The following FAAH2 variants were observed in gnomAD, a reference collection of about 807,000 sequenced individuals.
FAAH2 encodes fatty acid amide hydrolase 2.
FAAH2 carries 60 observed loss-of-function variants against 36.9 expected under a neutral mutation model. The ratio of observed to expected loss-of-function variants is 1.63; its 90% CI spans 1.32 to 2.02. The LOEUF (loss-of-function observed/expected upper bound fraction) is 2.02. Among genes scored for constraint, FAAH2 ranks in the 30% most tolerant of loss-of-function variants. The probability of loss-of-function intolerance (pLI) is 0.00; values close to 1 mark genes in which losing one functional copy is unlikely to be tolerated. For synonymous variants in FAAH2, 214 were observed against 143.8 expected (o/e 1.49, Z -3.49); for missense variants, 689 against 397.5 (o/e 1.73, Z -6.23).
chrX:57,463,787 GC>G (rs1485870875), intron 10 of FAAH2, among the ~76,000 whole-genome samples: 1 of 111,751 alleles, frequency 8.9e-6, no homozygotes, highest in Non-Finnish European at 1.9e-5. Context: ...AAATAGGAAT[GC>G]TTTTACACTG....
At chrX:57,459,244 G>A (rs1457733700) in intron 10 of FAAH2, among the ~76,000 whole-genome samples, 1 of 112,102 alleles carries the variant, frequency 8.9e-6, no homozygotes, top group Non-Finnish European at 1.9e-5. Context: ...AACACAGCAT[G>A]GCAAAAGCAG....
intron 7 of FAAH2, among the ~76,000 whole-genome samples, chrX:57,383,702 T>A (rs1184363494): frequency 8.9e-6 from 1 of 112,043 alleles, no homozygotes; most frequent in Non-Finnish European, 1.9e-5. Context: ...GAACATTCCA[T>A]GCTCATGGAT....
At chrX:57,162,093 A>G in the FAAH2 span, among the ~76,000 whole-genome samples, 1 of 111,179 alleles carries the variant, frequency 9.0e-6, no homozygotes, top group Non-Finnish European at 1.9e-5. Flanking sequence ...TTGTCTGTAA[A>G]ATATTTTATT....
intron 10 of FAAH2, among the ~76,000 whole-genome samples, chrX:57,487,189 G>A (rs967169508): frequency 1.8e-5 from 2 of 110,261 alleles, no homozygotes; most frequent in African/African-American, 6.6e-5. Context: ...ATTTTTATAA[G>A]GAAACATGAG....
Position 57,488,956 on chromosome X carries a change from T to C in FAAH2, c.*24T>C, listed in dbSNP as rs371021850. The C allele has an allele frequency of 3.6e-5, 43 of 1,184,313 alleles. No individual in the cohort carries two copies. The African/African-American group carries it at 7.5e-4, about 21-fold the overall frequency. On this transcript the variant is annotated 3_prime_UTR_variant, in exon 11 of 11. Transcript: ENST00000374900. The stretch of plus-strand genomic sequence containing the variant: ...AGGAGGACCTTCTGCAAGGTTAATG[T>C]GTGTGTGTGTTTGTGTTCGTGTGGT...
chrX:57,281,842 A>T (rs1428983949), upstream of FAAH2, among the ~76,000 whole-genome samples: 1 of 111,299 alleles, frequency 9.0e-6, no homozygotes, highest in African/African-American at 3.3e-5. Context: ...TTCCTGTGAT[A>T]GTTTTCTTAG....
intron 10 of FAAH2, among the ~76,000 whole-genome samples, chrX:57,458,684 C>A (rs5960982): frequency 9.1e-6 from 1 of 110,072 alleles, no homozygotes; most frequent in African/African-American, 3.3e-5. Flanking sequence ...CCATGGAGGG[C>A]GAGCAGAAGC....
At chrX:57,276,739 G>A in the FAAH2 span, among the ~76,000 whole-genome samples, 12 of 110,664 alleles carry the variant, frequency 1.1e-4, no homozygotes, top group African/African-American at 3.0e-4. Context: ...ATAATAAAGG[G>A]GATATCACCA....
At chrX:57,391,854 A>G (rs1382509577) in intron 7 of FAAH2, among the ~76,000 whole-genome samples, 1 of 110,208 alleles carries the variant, frequency 9.1e-6, no homozygotes, top group Non-Finnish European at 1.9e-5. Context: ...AATTCTGTGA[A>G]AAATTATCTT....
chrX:57,418,676 A>T (rs1481299570), intron 7 of FAAH2, among the ~76,000 whole-genome samples: 1 of 104,203 alleles, frequency 9.6e-6, no homozygotes, highest in African/African-American at 3.5e-5. Context: ...TTCCTATTTG[A>T]CCATCTTGCC....
the FAAH2 span, among the ~76,000 whole-genome samples, chrX:57,152,197 G>T: frequency 8.9e-6 from 1 of 112,311 alleles, no homozygotes; most frequent in Admixed American, 9.4e-5. Flanking sequence ...GTACCTCCCA[G>T]TTAGGCTGCT....
intron 7 of FAAH2, among the ~76,000 whole-genome samples, chrX:57,416,902 T>C (rs2055861002): frequency 1.8e-5 from 2 of 112,356 alleles, no homozygotes; most frequent in South Asian, 7.4e-4. Flanking sequence ...TAGTTTCACA[T>C]ATTTCTTGGA....
chrX:57,477,907 G>A (rs1346844027), intron 10 of FAAH2, among the ~76,000 whole-genome samples: 3 of 111,794 alleles, frequency 2.7e-5, no homozygotes, highest in South Asian at 7.5e-4. Flanking sequence ...ATTTGGGTTG[G>A]TTCCAAGTCT....
chrX:57,270,347 C>A, the FAAH2 span, among the ~76,000 whole-genome samples: 1 of 111,622 alleles, frequency 9.0e-6, no homozygotes, highest in Admixed American at 9.5e-5. Context: ...GGAGAATGGA[C>A]GCCTCCTTAA....
At chrX:57,191,175 G>A in the FAAH2 span, among the ~76,000 whole-genome samples, 11 of 111,703 alleles carry the variant, frequency 9.8e-5, no homozygotes, top group African/African-American at 3.6e-4. Flanking sequence ...TTGTATATAA[G>A]CCATTTTAAG....
chrX:57,314,708 C>T (rs2052788416), intron 3 of FAAH2, among the ~76,000 whole-genome samples: 1 of 109,557 alleles, frequency 9.1e-6, no homozygotes, highest in Non-Finnish European at 1.9e-5. Flanking sequence ...GGCAGAAATA[C>T]AAAAAAACAA....
chrX:57,248,026 T>A, the FAAH2 span, among the ~76,000 whole-genome samples: 1 of 112,343 alleles, frequency 8.9e-6, no homozygotes. Flanking sequence ...CAAACACGCA[T>A]GAACAGGCAC....
At chrX:57,409,957 G>A (rs1022958734) in intron 7 of FAAH2, among the ~76,000 whole-genome samples, 1 of 110,454 alleles carries the variant, frequency 9.1e-6, no homozygotes, top group African/African-American at 3.3e-5. Flanking sequence ...TTCCTGAAGT[G>A]TGATGTTAGG....
the FAAH2 span, among the ~76,000 whole-genome samples, chrX:57,243,490 T>C: frequency 3.6e-5 from 4 of 111,687 alleles, no homozygotes; most frequent in African/African-American, 1.3e-4. Flanking sequence ...ACACCTCATA[T>C]AGGAGAGCTC....
Sources: allele counts gnomAD v4.1 joint callset (sites outside exome capture counted in the v4.1 genomes callset), GRCh38; gene constraint gnomAD v4.1.1; transcripts MANE v1.5; gene names NCBI Gene and HGNC (gene_info 2026-07-23, HGNC 2026-07-21).